RXFP2: variants seen among roughly 807,000 people sequenced by gnomAD.
The protein encoded by RXFP2 is relaxin receptor 2.
In RXFP2, 68 loss-of-function variants were observed where a neutral mutation model predicts 88.6. The ratio of observed to expected loss-of-function variants is 0.77; its 90% confidence interval spans 0.63 to 0.94. The LOEUF is 0.94. Ranked by LOEUF, RXFP2 falls within the 40% of genes least tolerant of loss-of-function variation. The pLI is 0.00. For missense variants in RXFP2, 791 were observed against 893.9 expected (o/e 0.88, Z 1.47); for synonymous variants, 329 against 306.8 (o/e 1.07, Z -0.76).
intron 1 of RXFP2, among the ~76,000 whole-genome samples, chr13:31,746,604 G>A (rs1871429037): frequency 6.6e-6 from 1 of 152,056 alleles, no homozygotes; most frequent in South Asian, 2.1e-4. Context: ...CTGATTTGGG[G>A]CCAGATTCTA....
At chr13:31,757,877 T>G (rs574145906) in intron 1 of RXFP2, among the ~76,000 whole-genome samples, 54 of 152,226 alleles carry the variant, frequency 3.5e-4, no homozygotes, top group Admixed American at 3.1e-3. Context: ...GCAGATCACA[T>G]GGTCAGGAGT....
intron 9 of RXFP2, among the ~76,000 whole-genome samples, chr13:31,780,172 G>A (rs9549075): frequency 0.077 from 11,773 of 152,168 alleles, 466 homozygotes; most frequent in Middle Eastern, 0.13. Flanking sequence ...ACACAAACAC[G>A]TGGGAAAAAA....
chr13:31,766,094 C>T, intron 5 of RXFP2, 67 bp downstream of exon 5: 1 of 810,546 alleles, frequency 1.2e-6, no homozygotes. Flanking sequence ...TGTTTTTGAT[C>T]TAAAAATAAA....
At chr13:31,761,546 A>ACCTTTTTT (rs1872301796) in intron 2 of RXFP2, among the ~76,000 whole-genome samples, 178 bp from the exon 3 acceptor site, 1 of 152,216 alleles carries the variant, frequency 6.6e-6, no homozygotes, top group Non-Finnish European at 1.5e-5. Context: ...TTTTCATGTA[A>ACCTTTTTT]AAAAGGGACA....
chr13:31,786,004 T>G (rs1425678332), intron 11 of RXFP2, among the ~76,000 whole-genome samples: 2 of 152,148 alleles, frequency 1.3e-5, no homozygotes, highest in Non-Finnish European at 2.9e-5. Context: ...CCTCGAAAAG[T>G]GTAGTTGGAT....
At chr13:31,777,584 C>G (rs1251211810) in intron 8 of RXFP2, 137 bp downstream of exon 8, 1 of 668,318 alleles carries the variant, frequency 1.5e-6, no homozygotes, top group African/African-American at 1.8e-5. Context: ...TGTTTCCAGC[C>G]ACAGTTACTG....
In RXFP2 at chr13:31,796,281, C is replaced by T. The variant is rs554849677; in HGVS notation, c.1787-920C>T. Reference sequence around the variant, plus strand: ...AGCCAGGATGGTCTCGATCTCCTGACCTCATGATCCACCCGCCTCGGCCTC... The same window carrying T: ...AGCCAGGATGGTCTCGATCTCCTGATCTCATGATCCACCCGCCTCGGCCTC... On this transcript the variant is annotated intron_variant, in intron 16 of 17. Transcript: ENST00000298386. 4.4e-3 allele frequency among the ~76,000 whole-genome samples: 663 copies of T among 151,288 alleles called. 2 individuals carry two copies. The highest frequency in any genetic ancestry group is 7.1e-3 in the Non-Finnish European group (482 of 67,794).
intron 11 of RXFP2, among the ~76,000 whole-genome samples, chr13:31,785,026 T>C (rs575740334): frequency 6.6e-6 from 1 of 152,312 alleles, no homozygotes; most frequent in East Asian, 1.9e-4. Flanking sequence ...TTTAATGTTC[T>C]TACTTCTTGT....
At chr13:31,754,621 T>C (rs1273421785) in intron 1 of RXFP2, among the ~76,000 whole-genome samples, 1 of 152,218 alleles carries the variant, frequency 6.6e-6, no homozygotes, top group Non-Finnish European at 1.5e-5. Flanking sequence ...CCTATTCACA[T>C]TGCCTCACCT....
rs934751809 is a variant in RXFP2 at position 31,797,304 on chromosome 13, T to C, written c.1890T>C (p.Phe630=). The change falls in exon 17 of 18, where the codon TTT becomes TTC. Residue 630 remains phenylalanine (F), a synonymous_variant. Transcript: ENST00000298386. ...AGACCACAGAAGTAAGGAATTGTTT[T>C]GGAAGAGAGGTGGCTGTTGCAAATC... ...ALQTTEVRNC[F]GREVAVANRF... 2 of 1,614,134 alleles carry C rather than the reference T, an allele frequency of 1.2e-6. No homozygotes were observed. The highest frequency in any genetic ancestry group is 2.7e-5 in the African/African-American group (2 of 75,062).
chr13:31,800,058 T>C (rs900907956), intron 17 of RXFP2, among the ~76,000 whole-genome samples: 3 of 152,206 alleles, frequency 2.0e-5, no homozygotes, highest in Non-Finnish European at 4.4e-5. Context: ...AGTCTGAGGT[T>C]TGTCTTGAAC....
intron 9 of RXFP2, among the ~76,000 whole-genome samples, chr13:31,780,630 T>C (rs1053948753): frequency 2.0e-5 from 3 of 152,188 alleles, no homozygotes; most frequent in African/African-American, 7.2e-5. Flanking sequence ...TGGGGAACAC[T>C]GTAAGAAGCT....
At chr13:31,755,734 A>G (rs1053091873) in intron 1 of RXFP2, among the ~76,000 whole-genome samples, 2 of 152,198 alleles carry the variant, frequency 1.3e-5, no homozygotes, top group African/African-American at 2.4e-5. Flanking sequence ...CCCCAGTGCC[A>G]TGCAGTGGAG....
At chr13:31,757,481 T>G (rs931892821) in intron 1 of RXFP2, among the ~76,000 whole-genome samples, 1 of 152,244 alleles carries the variant, frequency 6.6e-6, no homozygotes, top group Non-Finnish European at 1.5e-5. Context: ...CAATGTTCAA[T>G]TCTAGTTCCC....
At chr13:31,755,676 C>T (rs1871912046) in intron 1 of RXFP2, among the ~76,000 whole-genome samples, 1 of 152,098 alleles carries the variant, frequency 6.6e-6, no homozygotes, top group Admixed American at 6.5e-5. Flanking sequence ...ATTTTAAAAT[C>T]TATGACACAG....
At chr13:31,793,265 T>G (rs1407234383) in intron 16 of RXFP2, among the ~76,000 whole-genome samples, 177 bp downstream of exon 16, 1 of 152,202 alleles carries the variant, frequency 6.6e-6, no homozygotes, top group East Asian at 1.9e-4. Context: ...AAACTTTTTA[T>G]TAGACAATAT....
chr13:31,768,136 A>G (rs1201970849), intron 5 of RXFP2, among the ~76,000 whole-genome samples: 1 of 152,190 alleles, frequency 6.6e-6, no homozygotes, highest in Admixed American at 6.5e-5. Flanking sequence ...AAGATTAGCT[A>G]GCAATTTCTC....
intron 11 of RXFP2, among the ~76,000 whole-genome samples, chr13:31,783,588 C>G (rs2138443380): frequency 6.6e-6 from 1 of 152,236 alleles, no homozygotes; most frequent in Non-Finnish European, 1.5e-5. Context: ...CATCATAAAT[C>G]AAATCCACAC....
At chr13:31,799,624 G>A (rs905232616) in intron 17 of RXFP2, among the ~76,000 whole-genome samples, 1 of 152,160 alleles carries the variant, frequency 6.6e-6, no homozygotes, top group African/African-American at 2.4e-5. Context: ...TTCCTCTCCT[G>A]CCCCTGCCAC....
Sources: gnomAD v4.1 joint callset for allele counts (sites outside exome capture counted in the v4.1 genomes callset) on GRCh38, gnomAD v4.1.1 for gene constraint, MANE v1.5 for transcripts, NCBI Gene and HGNC (gene_info 2026-07-23, HGNC 2026-07-21) for gene names.